SPAG16: variants seen among roughly 807,000 people sequenced by gnomAD.
SPAG16 encodes sperm-associated antigen 16 protein.
A neutral mutation model predicts 80.4 loss-of-function variants in SPAG16; 86 were observed. The ratio of observed to expected loss-of-function variants is 1.07; its 90% CI spans 0.90 to 1.28. The LOEUF (loss-of-function observed/expected upper bound fraction) is 1.28. SPAG16 is among the 50% of genes most tolerant of loss of function. SPAG16 has a pLI of 0.00. For missense variants in SPAG16, 870 were observed against 765.3 expected (o/e 1.14, Z -1.61); for synonymous variants, 294 against 265.9 (o/e 1.11, Z -1.03).
intron 10 of SPAG16, among the ~76,000 whole-genome samples, chr2:213,835,254 T>C (rs926907352): frequency 6.6e-6 from 1 of 152,230 alleles, no homozygotes; most frequent in Non-Finnish European, 1.5e-5. Flanking sequence ...TCCTCTCTTG[T>C]ATCCATGTTC....
intron 5 of SPAG16, among the ~76,000 whole-genome samples, chr2:213,338,533 A>G (rs374932531): frequency 1.3e-5 from 2 of 152,200 alleles, no homozygotes; most frequent in East Asian, 1.9e-4. Context: ...AAGGAATATA[A>G]ATCATTCTGT....
intron 12 of SPAG16, among the ~76,000 whole-genome samples, chr2:213,980,225 A>G (rs55638542): frequency 2.9e-4 from 29 of 100,706 alleles, no homozygotes; most frequent in African/African-American, 5.7e-4. Flanking sequence ...ATATGTGTGT[A>G]TATATATTCT....
intron 15 of SPAG16, among the ~76,000 whole-genome samples, chr2:214,160,084 A>G (rs2056378291): frequency 6.6e-6 from 1 of 151,986 alleles, no homozygotes. Flanking sequence ...GGTAATGACT[A>G]GGAGTATTGC....
At chr2:213,612,908 G>A (rs572137446) in intron 10 of SPAG16, among the ~76,000 whole-genome samples, 11 of 151,982 alleles carry the variant, frequency 7.2e-5, no homozygotes, top group Non-Finnish European at 1.2e-4. Flanking sequence ...CCTGACCTCC[G>A]GCAATCCGCT....
chr2:213,829,342 C>T (rs1267203290), intron 10 of SPAG16, among the ~76,000 whole-genome samples: 1 of 152,102 alleles, frequency 6.6e-6, no homozygotes, highest in East Asian at 1.9e-4. Context: ...TCAAGTGTCT[C>T]ATCGGTAAGC....
chr2:214,217,791 C>T (rs1052946690), intron 15 of SPAG16, among the ~76,000 whole-genome samples: 5 of 152,206 alleles, frequency 3.3e-5, no homozygotes, highest in African/African-American at 4.8e-5. Flanking sequence ...AATGCCTGGG[C>T]ATGCCTGATG....
intron 9 of SPAG16, among the ~76,000 whole-genome samples, chr2:213,394,203 T>C (rs11687976): frequency 0.21 from 31,223 of 151,986 alleles, 3,989 homozygotes; most frequent in Non-Finnish European, 0.3. Context: ...CTTGTTTATT[T>C]TTTCCTTTAC....
intron 15 of SPAG16, among the ~76,000 whole-genome samples, chr2:214,150,128 A>G (rs1205983401): frequency 1.3e-5 from 2 of 152,138 alleles, no homozygotes; most frequent in Non-Finnish European, 2.9e-5. Flanking sequence ...TAAAGAACAA[A>G]TAAGAAGAAA....
intron 11 of SPAG16, among the ~76,000 whole-genome samples, chr2:213,911,835 CA>C (rs10644766): frequency 0.24 from 29,705 of 125,950 alleles, 3,098 homozygotes; most frequent in South Asian, 0.31. Flanking sequence ...AAACAGTTAG[CA>C]AAAAAAAAAA....
chr2:214,003,661 C>T (rs1362017546), intron 12 of SPAG16, among the ~76,000 whole-genome samples: 1 of 152,172 alleles, frequency 6.6e-6, no homozygotes, highest in Non-Finnish European at 1.5e-5. Context: ...AGGGGAAATA[C>T]AGGGGTTAAT....
At chr2:213,988,567 T>G (rs568303453) in intron 12 of SPAG16, among the ~76,000 whole-genome samples, 5 of 152,050 alleles carry the variant, frequency 3.3e-5, no homozygotes, top group African/African-American at 1.2e-4. Flanking sequence ...ATATCAAAAT[T>G]TGTGGGATAG....
intron 10 of SPAG16, among the ~76,000 whole-genome samples, chr2:213,582,246 T>G (rs1004005228): frequency 6.6e-6 from 1 of 152,152 alleles, no homozygotes; most frequent in Non-Finnish European, 1.5e-5. Context: ...ATATGACATT[T>G]TTTTCCCTAT....
intron 6 of SPAG16, among the ~76,000 whole-genome samples, chr2:213,340,739 ATC>A (rs2064641377): frequency 6.6e-6 from 1 of 152,314 alleles, no homozygotes; most frequent in East Asian, 1.9e-4. Context: ...TAGGGGACAT[ATC>A]TCTAAATGAC....
intron 15 of SPAG16, among the ~76,000 whole-genome samples, chr2:214,307,181 C>A (rs11692161): frequency 6.6e-6 from 1 of 151,754 alleles, no homozygotes; most frequent in African/African-American, 2.4e-5. Flanking sequence ...TAGAGGTGTT[C>A]GTAATGTTCT....
At chr2:213,388,133 T>G (rs1316427875) in intron 9 of SPAG16, among the ~76,000 whole-genome samples, 1 of 152,178 alleles carries the variant, frequency 6.6e-6, no homozygotes, top group Non-Finnish European at 1.5e-5. Flanking sequence ...CCACCCTAGC[T>G]CTGTGGCAGG....
At chr2:213,322,290 T>C (rs2063648900) in intron 5 of SPAG16, among the ~76,000 whole-genome samples, 1 of 147,384 alleles carries the variant, frequency 6.8e-6, no homozygotes. Context: ...TTCTTGCCTG[T>C]TTTCACTAGC....
chr2:213,869,291 A>ATATAGGTG (rs1449042675), intron 11 of SPAG16, among the ~76,000 whole-genome samples: 1 of 123,276 alleles, frequency 8.1e-6, no homozygotes. Context: ...GTATATATAT[A>ATATAGGTG]TGTATATATA....
chr2:214,311,493 A>C (rs552943682), intron 15 of SPAG16: 1 of 152,104 alleles, frequency 6.6e-6, no homozygotes, highest in Admixed American at 6.6e-5. Context: ...TGATAGGGGA[A>C]CCCCGACAGT....
chr2:213,285,565 A>C (rs2062025009), intron 1 of SPAG16, among the ~76,000 whole-genome samples: 1 of 152,242 alleles, frequency 6.6e-6, no homozygotes. Context: ...TTAATTCAAG[A>C]TTTCAGAAAT....
Sources: allele counts gnomAD v4.1 joint callset (sites outside exome capture counted in the v4.1 genomes callset), GRCh38; gene constraint gnomAD v4.1.1; transcripts MANE v1.5; gene names NCBI Gene and HGNC (gene_info 2026-07-23, HGNC 2026-07-21).